ZNF569: variants seen among roughly 807,000 people sequenced by gnomAD.
ZNF569 encodes the protein zinc finger protein 569.
A neutral mutation model predicts 56.3 loss-of-function variants in ZNF569; 38 were observed. The observed-to-expected ratio is 0.68, with a 90% CI of 0.52 to 0.88. The LOEUF (loss-of-function observed/expected upper bound fraction) is 0.88, where lower values mean the gene tolerates loss of function less well. ZNF569 is among the 40% of genes least tolerant of loss of function. ZNF569 has a pLI of 0.00. For synonymous variants in ZNF569, 241 were observed against 262.9 expected, an observed-to-expected ratio of 0.92 and a Z score of 0.81; for missense variants, 666 against 809.2, an observed-to-expected ratio of 0.82 and a Z score of 2.15.
intron 2 of ZNF569, among the ~76,000 whole-genome samples, chr19:37,448,417 C>G (rs1311151080): frequency 6.6e-6 from 1 of 151,638 alleles, no homozygotes; most frequent in Non-Finnish European, 1.5e-5. Context: ...AGTGTGACAC[C>G]CTATCTTTCA....
intron 2 of ZNF569, among the ~76,000 whole-genome samples, chr19:37,445,697 T>C (rs994871602): frequency 8.6e-5 from 13 of 151,998 alleles, no homozygotes; most frequent in Non-Finnish European, 1.8e-4. Flanking sequence ...CCTTTTACAA[T>C]AGCTGCCAAA....
Position 37,412,166 on chromosome 19 carries a change from A to G in ZNF569, c.*431T>C, listed in dbSNP as rs2040849201. 6.5e-6 allele frequency: 1 copy of G among 154,158 alleles called. No individual in the cohort carries two copies. Among genetic ancestry groups the G allele is most frequent in the South Asian group, 2.1e-4 (1 of 4,856 alleles). The allele number at this position is 154,158 out of a possible 1,614,324, so 9.5% of individuals were successfully genotyped here. A position where few individuals can be genotyped will look rare whatever the true frequency, so the allele number is the denominator to read the frequency against. Reference sequence around the variant, plus strand: ...TCTTTTGTGCCTTTCAACATATTTTATAACTTGATAAAGACCTAACTCATT... The same window carrying G: ...TCTTTTGTGCCTTTCAACATATTTTGTAACTTGATAAAGACCTAACTCATT... On this transcript the variant is annotated 3_prime_UTR_variant, in exon 6 of 6. Transcript: ENST00000316950.
intron 2 of ZNF569, among the ~76,000 whole-genome samples, chr19:37,460,545 A>C (rs1247810971): frequency 6.6e-6 from 1 of 152,150 alleles, no homozygotes; most frequent in East Asian, 1.9e-4. Flanking sequence ...TAAAAAAAAA[A>C]AAACAACTAT....
At chr19:37,467,713 G>T, upstream of ZNF569, 1 of 650,684 alleles carries the variant, frequency 1.5e-6, no homozygotes. Context: ...GAGGAGTGAC[G>T]TAGTGTGACT....
chr19:37,468,071 G>GTTTTTTTTTT (rs35295578), upstream of ZNF569: 1 of 545,708 alleles, frequency 1.8e-6, no homozygotes. Flanking sequence ...TGCCTTTCGT[G>GTTTTTTTTTT]TTTTTTTTTT....
At chr19:37,443,117 C>G (rs188082078) in intron 3 of ZNF569, among the ~76,000 whole-genome samples, 1 of 152,066 alleles carries the variant, frequency 6.6e-6, no homozygotes, top group African/African-American at 2.4e-5. Context: ...CTTTGTGAGG[C>G]GGGCAGATAA....
rs544879753 is a variant in ZNF569 at position 37,428,318 on chromosome 19, A to T, written c.16-1940T>A. On this transcript the variant is annotated intron_variant, in intron 3 of 5. Coordinates refer to ENST00000316950, the MANE Select transcript of ZNF569 (RefSeq NM_152484.3). ...GGCTAGTTCAAGGCCAGTCTGGGCA[A>T]CATAGCAAAACCTCATCTCTACAAT... Among the ~76,000 whole-genome samples the T allele has an allele frequency of 1.3e-4, 20 of 152,158 alleles. No homozygotes were observed. The South Asian group carries it at 4.1e-3, about 32-fold the overall frequency.
chr19:37,418,123 A>G (rs2040966653), intron 5 of ZNF569, among the ~76,000 whole-genome samples: 1 of 149,864 alleles, frequency 6.7e-6, no homozygotes, highest in Non-Finnish European at 1.5e-5. Flanking sequence ...TAATAATAAT[A>G]ATAATAATAA....
intron 2 of ZNF569, among the ~76,000 whole-genome samples, chr19:37,448,686 C>T (rs944950184): frequency 6.6e-6 from 1 of 151,088 alleles, no homozygotes; most frequent in Non-Finnish European, 1.5e-5. Context: ...GCCTCAGCCT[C>T]GCGAGTAGCT....
rs1242404508 is a variant in ZNF569 at position 37,414,342 on chromosome 19, T to C, written c.316A>G (p.Thr106Ala). ...TCATTGCCTTTTTCTTCAGTCAGTGTTTTCTGGAATTTAACTTCAACTTGT... is the reference window on the plus strand; with the variant it reads ...TCATTGCCTTTTTCTTCAGTCAGTGCTTTCTGGAATTTAACTTCAACTTGT... ...LRQVEVKFQK[T>A]LTEEKGNECQ... Residue 106 changes from threonine to alanine, a missense_variant, in exon 6 of 6, where the codon ACA becomes GCA. Coordinates refer to ENST00000316950, the MANE Select transcript of ZNF569 (RefSeq NM_152484.3). The C allele has an allele frequency of 6.2e-7, 1 of 1,613,074 alleles. No individual in the cohort carries two copies. Among genetic ancestry groups the C allele is most frequent in the Non-Finnish European group, 8.5e-7 (1 of 1,179,654 alleles).
At chr19:37,449,213 T>C (rs1439466096) in intron 2 of ZNF569, among the ~76,000 whole-genome samples, 1 of 152,242 alleles carries the variant, frequency 6.6e-6, no homozygotes, top group African/African-American at 2.4e-5. Context: ...TTTAAAATTC[T>C]TGACATTTCT....
chr19:37,431,028 T>C (rs2041217255), intron 3 of ZNF569, among the ~76,000 whole-genome samples: 1 of 152,170 alleles, frequency 6.6e-6, no homozygotes, highest in African/African-American at 2.4e-5. Context: ...GAATTGTCCA[T>C]TGTAGCAGTA....
intron 5 of ZNF569, among the ~76,000 whole-genome samples, chr19:37,423,467 T>G (rs529623437): frequency 6.6e-6 from 1 of 152,242 alleles, no homozygotes; most frequent in African/African-American, 2.4e-5. Context: ...ATAGCAAACA[T>G]AAGAGGATGA....
At chr19:37,432,360 T>C (rs2146907337) in intron 3 of ZNF569, among the ~76,000 whole-genome samples, 1 of 151,708 alleles carries the variant, frequency 6.6e-6, no homozygotes, top group East Asian at 1.9e-4. Context: ...ACAACAAGAG[T>C]CTCTACCTGG....
At chr19:37,460,136 GTTT>G (rs762263862) in intron 2 of ZNF569, among the ~76,000 whole-genome samples, 3 of 151,862 alleles carry the variant, frequency 2.0e-5, no homozygotes, top group Non-Finnish European at 4.4e-5. Context: ...AGATGGTAGT[GTTT>G]TTTTGTTTGT....
chr19:37,466,324 T>C (rs2041834306), intron 1 of ZNF569, among the ~76,000 whole-genome samples: 1 of 152,224 alleles, frequency 6.6e-6, no homozygotes, highest in Non-Finnish European at 1.5e-5. Flanking sequence ...GGGATATCGA[T>C]GTTTCATATA....
chr19:37,446,616 A>G (rs2041502364), intron 2 of ZNF569, among the ~76,000 whole-genome samples: 1 of 151,980 alleles, frequency 6.6e-6, no homozygotes, highest in South Asian at 2.1e-4. Flanking sequence ...AAATCAACTC[A>G]AGATGGATCA....
chr19:37,459,143 G>T (rs1026855249), intron 2 of ZNF569, among the ~76,000 whole-genome samples: 4 of 152,116 alleles, frequency 2.6e-5, no homozygotes, highest in South Asian at 2.1e-4. Flanking sequence ...ATGAAATATT[G>T]TAAGTAATAA....
At chr19:37,441,788 A>G (rs1330860694) in intron 3 of ZNF569, among the ~76,000 whole-genome samples, 3 of 152,216 alleles carry the variant, frequency 2.0e-5, no homozygotes. Flanking sequence ...CCAGTTGATA[A>G]AGAGAGGTCC....
Sources: gnomAD v4.1 joint callset for allele counts (sites outside exome capture counted in the v4.1 genomes callset) on GRCh38, gnomAD v4.1.1 for gene constraint, MANE v1.5 for transcripts, NCBI Gene and HGNC (gene_info 2026-07-23, HGNC 2026-07-21) for gene names.